Variants in ATP8A2 observed in about 807,000 individuals in gnomAD.
The protein encoded by ATP8A2 is ATPase phospholipid transporting 8A2, also known as phospholipid-transporting ATPase IB.
ATP8A2 carries 100 observed loss-of-function variants against 165.6 expected under a neutral mutation model. The observed-to-expected ratio is 0.60, with a 90% CI of 0.51 to 0.71. The LOEUF is 0.71. Ranked by LOEUF, ATP8A2 falls within the 30% of genes least tolerant of loss-of-function variation. The pLI is 0.00. For missense variants in ATP8A2, 1,227 were observed against 1,479.5 expected, an observed-to-expected ratio of 0.83 and a Z score of 2.80; for synonymous variants, 543 against 548.8, an observed-to-expected ratio of 0.99 and a Z score of 0.15.
chr13:25,466,844 G>A (rs1177655870), intron 1 of ATP8A2, among the ~76,000 whole-genome samples: 1 of 152,232 alleles, frequency 6.6e-6, no homozygotes, highest in African/African-American at 2.4e-5. Context: ...TCTGGGTGCA[G>A]TGAGACAGAG....
chr13:25,983,448 T>TA (rs949819351), intron 35 of ATP8A2, among the ~76,000 whole-genome samples: 10 of 151,514 alleles, frequency 6.6e-5, no homozygotes, highest in Non-Finnish European at 1.5e-4. Flanking sequence ...TTCTAATCCT[T>TA]AAAAAAAAAT....
At chr13:25,478,540 C>T (rs2036060654) in intron 2 of ATP8A2, among the ~76,000 whole-genome samples, 1 of 152,134 alleles carries the variant, frequency 6.6e-6, no homozygotes, top group Admixed American at 6.5e-5. Flanking sequence ...CAAATGCTGA[C>T]CCATTCTTTT....
At chr13:25,751,246 A>T (rs1025837553) in intron 25 of ATP8A2, among the ~76,000 whole-genome samples, 8 of 152,194 alleles carry the variant, frequency 5.3e-5, no homozygotes, top group Non-Finnish European at 1.5e-5. Flanking sequence ...TACAGTGCCT[A>T]CCAGAAGGGT....
At chr13:25,857,173 C>T (rs1372942894) in intron 30 of ATP8A2, among the ~76,000 whole-genome samples, 4 of 152,156 alleles carry the variant, frequency 2.6e-5, no homozygotes, top group African/African-American at 9.7e-5. Context: ...CGTAATGATC[C>T]TTGAGCTCAT....
chr13:25,531,398 T>TATATATGTTATATATGA lies in ATP8A2; in HGVS notation c.420+738_420+739insATATATGTTATATATGA, dbSNP rs1566230250. Among the ~76,000 whole-genome samples, 303 of 87,190 alleles carry TATATATGTTATATATGA rather than the reference T, an allele frequency of 3.5e-3. 35 individuals carry two copies. The highest frequency in any genetic ancestry group is 0.017 in the African/African-American group (284 of 16,386). The allele number at this position is 87,190 out of a possible 152,430, so 57.2% of individuals were successfully genotyped here. On this transcript the variant is annotated intron_variant, in intron 4 of 36. Coordinates refer to ENST00000381655, the MANE Select transcript of ATP8A2 (RefSeq NM_016529.6). ...TGTTATATATATGATATATATATGA[T>TATATATGTTATATATGA]TATATATATGATTATATATATGATA...
At chr13:25,417,256 G>C (rs996241928) in intron 1 of ATP8A2, among the ~76,000 whole-genome samples, 1 of 152,108 alleles carries the variant, frequency 6.6e-6, no homozygotes, top group Non-Finnish European at 1.5e-5. Flanking sequence ...TCTTCAGCCT[G>C]TTGGTGTAAC....
intron 27 of ATP8A2, among the ~76,000 whole-genome samples, chr13:25,810,952 C>T (rs532996919): frequency 2.1e-4 from 32 of 152,054 alleles, no homozygotes; most frequent in Admixed American, 8.5e-4. Context: ...GTTTATATTT[C>T]GTTTCATTTT....
intron 18 of ATP8A2, among the ~76,000 whole-genome samples, chr13:25,573,819 AT>A (rs142891952): frequency 0.017 from 2,641 of 152,332 alleles, 38 homozygotes; most frequent in Non-Finnish European, 0.023. Flanking sequence ...GTGAATAAAG[AT>A]TGATGAAGGC....
chr13:25,904,244 G>A (rs1335768662), intron 33 of ATP8A2, among the ~76,000 whole-genome samples: 1 of 152,192 alleles, frequency 6.6e-6, no homozygotes, highest in Non-Finnish European at 1.5e-5. Flanking sequence ...CCTTGGACCT[G>A]TCAAATCAGA....
At chr13:25,807,236 G>A (rs2138491515) in intron 27 of ATP8A2, among the ~76,000 whole-genome samples, 1 of 150,206 alleles carries the variant, frequency 6.7e-6, no homozygotes, top group South Asian at 2.1e-4. Flanking sequence ...TATGCTTTTG[G>A]TGCCTTATCT....
chr13:25,608,671 G>T (rs1160201452), intron 24 of ATP8A2, among the ~76,000 whole-genome samples: 1 of 152,200 alleles, frequency 6.6e-6, no homozygotes, highest in Non-Finnish European at 1.5e-5. Context: ...AGCAGCTGCA[G>T]ATGACACATA....
intron 35 of ATP8A2, among the ~76,000 whole-genome samples, chr13:25,973,290 C>T (rs775192301): frequency 1.3e-5 from 2 of 152,172 alleles, no homozygotes; most frequent in Non-Finnish European, 2.9e-5. Flanking sequence ...AACATCTGTG[C>T]GTGGCCCTGT....
At chr13:25,376,344 TCAGTAATTA>T (rs2032625927) in intron 1 of ATP8A2, among the ~76,000 whole-genome samples, 1 of 152,246 alleles carries the variant, frequency 6.6e-6, no homozygotes, top group African/African-American at 2.4e-5. Flanking sequence ...CTTTGTGTGC[TCAGTAATTA>T]CAGATTTTAC....
intron 23 of ATP8A2, among the ~76,000 whole-genome samples, chr13:25,589,071 T>C (rs1276610093): frequency 1.3e-5 from 2 of 152,134 alleles, no homozygotes; most frequent in East Asian, 3.9e-4. Flanking sequence ...AGGAAATTGT[T>C]AAGAACTAGG....
intron 33 of ATP8A2, among the ~76,000 whole-genome samples, chr13:25,942,206 A>C (rs1270562202): frequency 6.6e-6 from 1 of 152,184 alleles, no homozygotes; most frequent in Non-Finnish European, 1.5e-5. Flanking sequence ...TCCCATTGAT[A>C]AACATTTGAG....
At chr13:25,920,153 C>T (rs1192056003) in intron 33 of ATP8A2, among the ~76,000 whole-genome samples, 1 of 152,128 alleles carries the variant, frequency 6.6e-6, no homozygotes, top group Non-Finnish European at 1.5e-5. Context: ...TTTTGTGTTC[C>T]AGCTAGCCCA....
At chr13:25,557,662 A>G (rs1410125630) in intron 13 of ATP8A2, among the ~76,000 whole-genome samples, 1 of 152,110 alleles carries the variant, frequency 6.6e-6, no homozygotes. Context: ...TGCCTTTGTT[A>G]GTTTAGCACA....
intron 1 of ATP8A2, among the ~76,000 whole-genome samples, chr13:25,393,617 T>C (rs2033322877): frequency 6.6e-6 from 1 of 152,164 alleles, no homozygotes; most frequent in East Asian, 1.9e-4. Context: ...GGTTTCACCA[T>C]GTTGGCCAGG....
chr13:25,679,112 A>T (rs2042431569), intron 24 of ATP8A2, among the ~76,000 whole-genome samples: 1 of 152,216 alleles, frequency 6.6e-6, no homozygotes, highest in Non-Finnish European at 1.5e-5. Flanking sequence ...AGGCAATAGG[A>T]TGAAGGAGAA....
Sources: allele counts gnomAD v4.1 joint callset (sites outside exome capture counted in the v4.1 genomes callset), GRCh38; gene constraint gnomAD v4.1.1; transcripts MANE v1.5; gene names NCBI Gene and HGNC (gene_info 2026-07-23, HGNC 2026-07-21).